The following ZNF729 variants were observed in gnomAD, a reference collection of about 807,000 sequenced individuals.
ZNF729 encodes zinc finger protein 729.
Under a neutral mutation model 12.2 loss-of-function variants are expected in ZNF729, and 15 were observed. That is an observed-to-expected ratio of 1.23 (90% CI 0.82 to 1.89). The LOEUF is 1.89. Ranked by LOEUF, ZNF729 falls within the 40% of genes most tolerant of loss-of-function variation. ZNF729 has a pLI of 0.00. For synonymous variants in ZNF729, 492 were observed against 476.3 expected (o/e 1.03, Z -0.43); for missense variants, 1,540 against 1,456.7 (o/e 1.06, Z -0.93).
intron 1 of ZNF729, among the ~76,000 whole-genome samples, chr19:22,291,227 T>C (rs149365736): frequency 6.6e-6 from 1 of 152,130 alleles, no homozygotes. Context: ...TGTCTGGGAA[T>C]GGGAGGCTCT....
rs754521076 is a variant in ZNF729 at position 22,314,378 on chromosome 19, A to G, written c.961A>G (p.Lys321Glu). Residue 321 changes from lysine (K) to glutamate (E), a missense_variant, in exon 4 of 4, where the codon AAA (lysine) becomes GAA (glutamate). Transcript: ENST00000601693. ...KVIHTAEKPY[K>E]CEDCGKTFNH... ...AATTCATACTGCAGAGAAACCCTAC[A>G]AATGTGAAGATTGTGGCAAAACTTT... is the stretch of plus-strand genomic sequence containing the variant. The G allele has an allele frequency of 1.3e-6, 2 of 1,593,988 alleles. No individual in the cohort carries two copies. Among genetic ancestry groups the G allele is most frequent in the East Asian group, 4.5e-5 (2 of 44,578 alleles).
chr19:22,316,092 T>C lies in ZNF729; in HGVS notation c.2675T>C (p.Leu892Ser), dbSNP rs749112647. 1.2e-5 allele frequency: 20 copies of C among 1,608,580 alleles called. No individual in the cohort carries two copies. The African/African-American group carries it at 1.5e-4, about 12-fold the overall frequency. Residue 892 changes from leucine (L) to serine (S), a missense_variant, in exon 4 of 4, where the codon TTG (leucine) becomes TCG (serine). By Grantham distance (145) the Leu-to-Ser change is moderately radical. Coordinates refer to ENST00000601693, the MANE Select transcript of ZNF729 (RefSeq NM_001242680.2). ...GAATGTGGTAAAGCTTTTAAGTGGT[T>C]GTCAAAACTTACTGTACATAAGGTA... is the stretch of plus-strand genomic sequence containing the variant. Reference protein sequence around the residue: ...CEECGKAFKWLSKLTVHKVIH... With the variant: ...CEECGKAFKWSSKLTVHKVIH...
At chr19:22,286,857 G>A (rs1968085120) in intron 1 of ZNF729, among the ~76,000 whole-genome samples, 2 of 152,216 alleles carry the variant, frequency 1.3e-5, no homozygotes. Flanking sequence ...CGGGAGGGGC[G>A]TCAGGGGAGA....
chr19:22,312,440 TTGTGTGTGTGTGTGTG>T (rs138264785), intron 3 of ZNF729, among the ~76,000 whole-genome samples: 12 of 144,672 alleles, frequency 8.3e-5, no homozygotes, highest in Middle Eastern at 3.5e-3. Context: ...TTGTCTGAAA[TTGTGTGTGTGTGTGTG>T]TGTGTGTGTG....
chr19:22,294,877 G>C (rs998369761), intron 1 of ZNF729, among the ~76,000 whole-genome samples: 1 of 151,716 alleles, frequency 6.6e-6, no homozygotes, highest in Non-Finnish European at 1.5e-5. Context: ...GGCTGGTTTC[G>C]ATCTCCTGAC....
At chr19:22,288,047 T>C (rs1203031539) in intron 1 of ZNF729, among the ~76,000 whole-genome samples, 1 of 152,090 alleles carries the variant, frequency 6.6e-6, no homozygotes, top group Non-Finnish European at 1.5e-5. Flanking sequence ...AGTTTCACTA[T>C]GTTGGCCAGG....
At chr19:22,287,131 C>T (rs1193337169) in intron 1 of ZNF729, among the ~76,000 whole-genome samples, 1 of 151,804 alleles carries the variant, frequency 6.6e-6, no homozygotes, top group Non-Finnish European at 1.5e-5. Flanking sequence ...TACGTAGTTT[C>T]TCAGTTTGTA....
chr19:22,311,194 T>TC (rs1968446191), intron 3 of ZNF729, among the ~76,000 whole-genome samples: 1 of 152,136 alleles, frequency 6.6e-6, no homozygotes, highest in African/African-American at 2.4e-5. Flanking sequence ...CAATTTCATT[T>TC]CATTCTGCTC....
intron 3 of ZNF729, among the ~76,000 whole-genome samples, chr19:22,311,920 C>T (rs991062972): frequency 6.6e-6 from 1 of 152,038 alleles, no homozygotes; most frequent in African/African-American, 2.4e-5. Flanking sequence ...TCCTGTTGTA[C>T]AAGACCTTTT....
In ZNF729 at chr19:22,317,159, T is replaced by C. The variant is rs183283695; in HGVS notation, c.3742T>C (p.Cys1248Arg). The part of the protein sequence containing the change: ...TGEKPYKCEE[C>R]AKAF ...AGAGAAACCCTACAAATGTGAAGAA[T>C]GTGCCAAAGCTTTTTAACCATCCTT... Residue 1248 changes from cysteine to arginine, a missense_variant, in exon 4 of 4, where the codon TGT becomes CGT. Transcript: ENST00000601693. The C allele has an allele frequency of 6.3e-7, 1 of 1,598,010 alleles. No homozygotes were observed.
intron 3 of ZNF729, 92 bp downstream of exon 3, chr19:22,304,875 G>A: frequency 7.6e-7 from 1 of 1,321,056 alleles, no homozygotes; most frequent in Non-Finnish European, 1.0e-6. Context: ...GAGAAGCTGT[G>A]CTCCAAAGGA....
chr19:22,294,061 G>C (rs1484836193), intron 1 of ZNF729, among the ~76,000 whole-genome samples: 1 of 151,978 alleles, frequency 6.6e-6, no homozygotes. Flanking sequence ...GTCTAGAATG[G>C]TATTTTCTAG....
intron 3 of ZNF729, 125 bp downstream of exon 3, chr19:22,304,908 A>AT: frequency 2.0e-6 from 2 of 1,018,802 alleles, no homozygotes; most frequent in Non-Finnish European, 2.8e-6. Context: ...GAAGACTGAG[A>AT]TTTTTTAAAT....
chr19:22,307,366 C>A (rs1005653599), intron 3 of ZNF729, among the ~76,000 whole-genome samples: 5 of 147,496 alleles, frequency 3.4e-5, no homozygotes, highest in Non-Finnish European at 7.4e-5. Context: ...GTGATGAACA[C>A]CCTTACCTTT....
intron 1 of ZNF729, chr19:22,299,922 T>A (rs1185836350): frequency 6.6e-6 from 1 of 152,298 alleles, no homozygotes; most frequent in Non-Finnish European, 1.5e-5. Context: ...AGCTTTCAGA[T>A]GTGAGCCCTG....
At chr19:22,301,899 T>G (rs1968311099) in intron 1 of ZNF729, among the ~76,000 whole-genome samples, 1 of 152,312 alleles carries the variant, frequency 6.6e-6, no homozygotes, top group South Asian at 2.1e-4. Flanking sequence ...ATTCTGGAGC[T>G]TAACCAGGGC....
rs1414218446 is a variant in ZNF729, at chr19:22,303,888, A to G, written c.157+4A>G. On this transcript the variant is annotated splice_donor_region_variant and intron_variant, in intron 2 of 3. Coordinates refer to ENST00000601693, the MANE Select transcript of ZNF729 (RefSeq NM_001242680.2). ...TACAGAAACCTGGTCTTCCTGGGTGAGGATAATTTTAATTAAGCAATTCCT... is the reference window on the plus strand; with the variant it reads ...TACAGAAACCTGGTCTTCCTGGGTGGGGATAATTTTAATTAAGCAATTCCT... 1 of 1,563,836 alleles carries G rather than the reference A, an allele frequency of 6.4e-7. No homozygotes were observed. Among genetic ancestry groups the G allele is most frequent in the Non-Finnish European group, 8.7e-7 (1 of 1,150,064 alleles).
In ZNF729 at chr19:22,313,849, A is replaced by G. The variant is rs1240353255; in HGVS notation, c.432A>G (p.Gln144=). ...AAGAAGGTTATAATAAACTTAACCAATGCAGGACAGCTACCCAGAGAAAAA... is the reference window on the plus strand; with the variant it reads ...AAGAAGGTTATAATAAACTTAACCAGTGCAGGACAGCTACCCAGAGAAAAA... The part of the protein sequence containing the change: ...MHKEGYNKLN[Q]CRTATQRKIF... The change falls in exon 4 of 4, where the codon CAA becomes CAG. Residue 144 remains glutamine (Q), a synonymous_variant. Transcript: ENST00000601693. 5 of 1,574,672 alleles carry G rather than the reference A, an allele frequency of 3.2e-6. No individual in the cohort carries two copies. In the Admixed American group the frequency reaches 5.7e-5, roughly 18 times the overall value.
intron 3 of ZNF729, among the ~76,000 whole-genome samples, chr19:22,309,168 C>A (rs1440864418): frequency 6.6e-6 from 1 of 152,136 alleles, no homozygotes; most frequent in East Asian, 1.9e-4. Context: ...TATCCCTGGC[C>A]GGGTGCGGTG....
Sources: allele counts gnomAD v4.1 joint callset (sites outside exome capture counted in the v4.1 genomes callset), GRCh38; gene constraint gnomAD v4.1.1; transcripts MANE v1.5; gene names NCBI Gene and HGNC (gene_info 2026-07-23, HGNC 2026-07-21).